Variants in PREX2 observed in about 807,000 individuals in gnomAD.
PREX2 encodes the protein phosphatidylinositol 3,4,5-trisphosphate-dependent Rac exchanger 2 protein.
PREX2 carries 107 observed loss-of-function variants against 203.2 expected under a neutral mutation model. The ratio of observed to expected loss-of-function variants is 0.53; its 90% CI spans 0.45 to 0.62. The LOEUF is 0.62. PREX2 is among the 20% of genes least tolerant of loss of function. The pLI, the probability that PREX2 is intolerant of heterozygous loss-of-function variation, is 0.00. For synonymous variants in PREX2, 672 were observed against 663.6 expected (o/e 1.01, Z -0.19); for missense variants, 1,777 against 1,955.9 (o/e 0.91, Z 1.72).
chr8:68,231,359 C>A lies in PREX2; in HGVS notation c.4802C>A (p.Pro1601His), dbSNP rs1292241114. 6.2e-7 allele frequency: 1 copy of A among 1,600,258 alleles called. No individual in the cohort carries two copies. The highest frequency in any genetic ancestry group is 2.3e-5 in the East Asian group (1 of 43,826). Residue 1601 changes from proline to histidine, a missense_variant, in exon 40 of 40, where the codon CCC becomes CAC. By Grantham distance (77) the Pro-to-His change is moderately conservative. Transcript: ENST00000288368. Reference sequence around the variant, plus strand: ...CTGTACAAGCTGTGCGAGCCACCTCCCCCAGCTGGAGAAGAATGAAAAGAA... The same window carrying A: ...CTGTACAAGCTGTGCGAGCCACCTCACCCAGCTGGAGAAGAATGAAAAGAA... ...PRLYKLCEPP[P>H]PAGEE
chr8:67,961,846 G>T (rs1805643191), intron 1 of PREX2, among the ~76,000 whole-genome samples: 1 of 152,118 alleles, frequency 6.6e-6, no homozygotes, highest in Admixed American at 6.6e-5. Context: ...GATCTATTTT[G>T]CTCGAGAGTA....
At chr8:68,038,671 T>C (rs1016336022) in intron 7 of PREX2, among the ~76,000 whole-genome samples, 4 of 152,128 alleles carry the variant, frequency 2.6e-5, no homozygotes, top group Non-Finnish European at 5.9e-5. Context: ...CCAGCACATG[T>C]GAAGTTCATG....
intron 33 of PREX2, among the ~76,000 whole-genome samples, chr8:68,142,945 T>G (rs1168321701): frequency 6.6e-6 from 1 of 152,198 alleles, no homozygotes; most frequent in Non-Finnish European, 1.5e-5. Flanking sequence ...CACATCCTTG[T>G]CAGCATTTGG....
intron 7 of PREX2, among the ~76,000 whole-genome samples, chr8:68,041,717 G>A (rs1260267441): frequency 1.3e-5 from 2 of 152,000 alleles, no homozygotes; most frequent in African/African-American, 4.8e-5. Context: ...TGTGTTACTC[G>A]TTAAGAAACT....
intron 1 of PREX2, among the ~76,000 whole-genome samples, chr8:67,996,243 T>C (rs4737882): frequency 0.49 from 74,735 of 151,892 alleles, 18,773 homozygotes; most frequent in South Asian, 0.61. Flanking sequence ...TCAGCCATAC[T>C]GGAGTGCAGT....
chr8:68,212,160 T>C (rs989046804), intron 37 of PREX2, among the ~76,000 whole-genome samples: 1 of 152,170 alleles, frequency 6.6e-6, no homozygotes, highest in Admixed American at 6.5e-5. Flanking sequence ...CACTTGTTCA[T>C]GAGCAGACTG....
chr8:68,020,667 T>C (rs142011974), intron 3 of PREX2, among the ~76,000 whole-genome samples: 46 of 152,280 alleles, frequency 3.0e-4, no homozygotes, highest in African/African-American at 1.1e-3. Flanking sequence ...TGTGTTTTTC[T>C]TGGGCACAGC....
chr8:67,955,177 C>T (rs1256336676), intron 1 of PREX2, among the ~76,000 whole-genome samples: 1 of 142,666 alleles, frequency 7.0e-6, no homozygotes, highest in East Asian at 2.1e-4. Context: ...AAAAAGAAAT[C>T]ATATGGCTAG....
At chr8:68,141,973 A>G (rs1677901295) in intron 33 of PREX2, among the ~76,000 whole-genome samples, 1 of 152,164 alleles carries the variant, frequency 6.6e-6, no homozygotes, top group African/African-American at 2.4e-5. Flanking sequence ...AAAAGCCTTT[A>G]TATTTTTAGA....
intron 15 of PREX2, among the ~76,000 whole-genome samples, chr8:68,079,580 T>C (rs1809451079): frequency 9.3e-6 from 1 of 107,074 alleles, no homozygotes; most frequent in Non-Finnish European, 2.1e-5. Flanking sequence ...TGCCCTGGGA[T>C]CACTTTCTTT....
chr8:68,199,586 A>T (rs1185597609), intron 37 of PREX2, among the ~76,000 whole-genome samples: 1 of 152,224 alleles, frequency 6.6e-6, no homozygotes, highest in African/African-American at 2.4e-5. Flanking sequence ...TATAAAAACA[A>T]CTAACAAGAA....
At chr8:68,152,285 C>CAG in intron 34 of PREX2, among the ~76,000 whole-genome samples, 2 of 10,746 alleles carry the variant, frequency 1.9e-4, no homozygotes, top group East Asian at 6.4e-3. Flanking sequence ...GACTCCCTCT[C>CAG]AGAGAAAAAA....
intron 5 of PREX2, 92 bp downstream of exon 5, chr8:68,027,415 A>C: frequency 1.2e-6 from 1 of 836,038 alleles, no homozygotes; most frequent in South Asian, 1.5e-5. Context: ...TGAGTCTGAT[A>C]TTCTAAAGGA....
intron 1 of PREX2, among the ~76,000 whole-genome samples, chr8:67,998,201 C>T (rs1225079505): frequency 1.3e-5 from 2 of 152,212 alleles, no homozygotes; most frequent in Non-Finnish European, 2.9e-5. Flanking sequence ...TGGCTTTCTA[C>T]ACTTCAGAAG....
chr8:67,970,813 C>T (rs1805905162), intron 1 of PREX2, among the ~76,000 whole-genome samples: 1 of 152,200 alleles, frequency 6.6e-6, no homozygotes, highest in Non-Finnish European at 1.5e-5. Flanking sequence ...GCAGGGCTCA[C>T]TTCATCCACC....
intron 1 of PREX2, among the ~76,000 whole-genome samples, chr8:67,978,204 T>A (rs7463894): frequency 6.6e-6 from 1 of 151,764 alleles, no homozygotes; most frequent in Admixed American, 6.6e-5. Context: ...TCCCCCCTCC[T>A]CTCCCCCCGC....
At chr8:68,151,199 T>C (rs575407040) in intron 34 of PREX2, among the ~76,000 whole-genome samples, 9 of 152,046 alleles carry the variant, frequency 5.9e-5, no homozygotes, top group African/African-American at 1.9e-4. Context: ...GATGGAAGGA[T>C]CACTTGAGCG....
chr8:68,231,196 T>G, intron 39 of PREX2, 137 bp from the exon 40 acceptor site: 1 of 569,050 alleles, frequency 1.8e-6, no homozygotes, highest in Non-Finnish European at 2.8e-6. Context: ...TCATATGTTA[T>G]TTTTAGTGAA....
rs139042164 is a variant in PREX2 at position 67,952,271 on chromosome 8, T to C, written c.-124T>C. ...TCTCCCCAGCATGTAAAGTCTTCTG[T>C]CTCTCCTCGGAGTTGGCGGAGGCGG... On this transcript the variant is annotated 5_prime_UTR_variant, in exon 1 of 40. Coordinates refer to ENST00000288368, the MANE Select transcript of PREX2 (RefSeq NM_024870.4). 5.9e-4 allele frequency: 457 copies of C among 772,866 alleles called. 1 individual carries two copies. In the African/African-American group the frequency reaches 7.9e-3, roughly 13 times the overall value. The allele number at this position is 772,866 out of a possible 1,614,324, so 47.9% of individuals were successfully genotyped here. A position where few individuals can be genotyped will look rare whatever the true frequency, so the allele number is the denominator to read the frequency against.
Sources: gnomAD v4.1 joint callset for allele counts (sites outside exome capture counted in the v4.1 genomes callset) on GRCh38, gnomAD v4.1.1 for gene constraint, MANE v1.5 for transcripts, NCBI Gene and HGNC (gene_info 2026-07-23, HGNC 2026-07-21) for gene names.